ZNF385C: variants seen among roughly 807,000 people sequenced by gnomAD.
ZNF385C encodes CTD-2132N18.2.
ZNF385C carries 28 observed loss-of-function variants against 35.4 expected under a neutral mutation model. The ratio of observed to expected loss-of-function variants is 0.79; its 90% CI spans 0.59 to 1.08. The LOEUF (loss-of-function observed/expected upper bound fraction) is 1.08. Ranked by LOEUF, ZNF385C falls within the 50% of genes least tolerant of loss-of-function variation. The pLI, the probability that ZNF385C is intolerant of heterozygous loss-of-function variation, is 0.00. For synonymous variants in ZNF385C, 248 were observed against 248.2 expected (o/e 1.00, Z 0.01); for missense variants, 605 against 595.6 (o/e 1.02, Z -0.16).
chr17:42,054,020 C>T (rs1436552284), intron 2 of ZNF385C, among the ~76,000 whole-genome samples: 2 of 152,200 alleles, frequency 1.3e-5, no homozygotes, highest in South Asian at 2.1e-4. Context: ...TCTCTCTTTG[C>T]CAGGAAGGAG....
intron 1 of ZNF385C, among the ~76,000 whole-genome samples, chr17:42,079,233 T>TAC (rs1555659554): frequency 7.1e-5 from 10 of 141,286 alleles, no homozygotes; most frequent in Admixed American, 1.4e-4. Flanking sequence ...TATATATATA[T>TAC]ACACACATAT....
At chr17:42,048,742 C>T (rs184147177) in intron 2 of ZNF385C, among the ~76,000 whole-genome samples, 51 of 152,252 alleles carry the variant, frequency 3.3e-4, no homozygotes, top group African/African-American at 1.1e-3. Context: ...TGTCCCTTCT[C>T]TCCACACCAC....
intron 1 of ZNF385C, among the ~76,000 whole-genome samples, chr17:42,069,758 G>A (rs1555658648): frequency 6.6e-6 from 1 of 152,168 alleles, no homozygotes. Flanking sequence ...TTTAAAGAGA[G>A]GGGGCCAGGC....
At chr17:42,032,165 A>G (rs2052745796) in intron 4 of ZNF385C, among the ~76,000 whole-genome samples, 1 of 152,022 alleles carries the variant, frequency 6.6e-6, no homozygotes, top group Non-Finnish European at 1.5e-5. Context: ...GGTTCAAGCG[A>G]TTCTTCTGCC....
intron 5 of ZNF385C, among the ~76,000 whole-genome samples, chr17:42,030,163 G>A (rs538747513): frequency 6.6e-6 from 1 of 152,174 alleles, no homozygotes; most frequent in African/African-American, 2.4e-5. Flanking sequence ...CAGATATAAT[G>A]AATGTTGATG....
chr17:42,066,057 CTGTTT>C (rs781950820), intron 1 of ZNF385C, among the ~76,000 whole-genome samples: 4 of 150,818 alleles, frequency 2.7e-5, no homozygotes, highest in African/African-American at 4.9e-5. Context: ...GTTTGTTTGT[CTGTTT>C]TGTTTTGTTT....
rs1465686675 is a variant in ZNF385C, at chr17:42,031,183, T to G, written c.676+436A>C. 2.0e-5 allele frequency among the ~76,000 whole-genome samples: 3 copies of G among 151,994 alleles called. No individual in the cohort carries two copies. In the East Asian group the frequency reaches 5.8e-4, roughly 29 times the overall value. Reference sequence around the variant, plus strand: ...CCTCCTGAGTAGCTGGGACTACAGGTGTGCATCATCATGCCTGGCAAATAA... The same window carrying G: ...CCTCCTGAGTAGCTGGGACTACAGGGGTGCATCATCATGCCTGGCAAATAA... On this transcript the variant is annotated intron_variant, in intron 5 of 8. Coordinates refer to ENST00000692273, the MANE Select transcript of ZNF385C (RefSeq NM_001392013.1).
chr17:42,039,512 A>G, intron 2 of ZNF385C: 1 of 389,360 alleles, frequency 2.6e-6, no homozygotes, highest in Non-Finnish European at 4.3e-6. Context: ...GCCCCTCTTG[A>G]GCCAGTCCCT....
At chr17:42,076,072 C>T (rs1201339727) in intron 1 of ZNF385C, among the ~76,000 whole-genome samples, 1 of 152,204 alleles carries the variant, frequency 6.6e-6, no homozygotes, top group African/African-American at 2.4e-5. Context: ...CTTGCTGGCT[C>T]TCCCATTCTG....
intron 2 of ZNF385C, among the ~76,000 whole-genome samples, chr17:42,049,407 C>G (rs1555656909): frequency 6.6e-6 from 1 of 152,216 alleles, no homozygotes; most frequent in African/African-American, 2.4e-5. Context: ...GGAAAGGTAA[C>G]TAACTTCTTC....
Position 42,027,020 on chromosome 17 carries a change from G to A in ZNF385C, c.1389C>T (p.Leu463=), listed in dbSNP as rs59293351. The change falls in exon 9 of 9, where the codon CTC becomes CTT. Residue 463 remains leucine (L), a synonymous_variant. Coordinates refer to ENST00000692273, the MANE Select transcript of ZNF385C (RefSeq NM_001392013.1). ...AICALPGPLA[L]RPAPTAATTL... Reference sequence around the variant, plus strand: ...TAGTGGCTGCTGTAGGGGCAGGGCGGAGGGCCAGGGGCCCTGGCAGAGCAC... The same window carrying A: ...TAGTGGCTGCTGTAGGGGCAGGGCGAAGGGCCAGGGGCCCTGGCAGAGCAC... 1.1e-3 allele frequency: 1,807 copies of A among 1,608,356 alleles called. 19 individuals are homozygous for A. The African/African-American group carries it at 0.022, about 19-fold the overall frequency.
intron 1 of ZNF385C, among the ~76,000 whole-genome samples, chr17:42,077,985 G>A (rs532298128): frequency 2.0e-5 from 3 of 152,258 alleles, no homozygotes; most frequent in South Asian, 2.1e-4. Flanking sequence ...CAAGGAGGAC[G>A]GCACCACCTC....
intron 1 of ZNF385C, among the ~76,000 whole-genome samples, chr17:42,084,491 A>G (rs1555659984): frequency 6.6e-6 from 1 of 152,208 alleles, no homozygotes; most frequent in African/African-American, 2.4e-5. Flanking sequence ...CATATAAAAG[A>G]CATCGTCAAA....
chr17:42,035,591 G>C (rs572945415), intron 3 of ZNF385C, among the ~76,000 whole-genome samples: 1 of 133,736 alleles, frequency 7.5e-6, no homozygotes, highest in Non-Finnish European at 1.5e-5. Flanking sequence ...CTGCTCTGTC[G>C]CCCAGGCTGG....
chr17:42,067,816 C>T (rs78623067), intron 1 of ZNF385C, among the ~76,000 whole-genome samples: 15,096 of 152,050 alleles, frequency 0.099, 860 homozygotes, highest in Middle Eastern at 0.16. Flanking sequence ...TCCCATTCCC[C>T]GGGTGGAGGC....
At position 42,091,083 on chromosome 17, in the gene ZNF385C, A is replaced by C. The variant is rs542443010; in HGVS notation, c.-3+7327T>G. ...GTAGGGGCTGGGACAGGGTAGAGAC[A>C]CACCCACTTATGACATCAAGTTCCA... On this transcript the variant is annotated intron_variant, in intron 1 of 8. Transcript: ENST00000692273. Among the ~76,000 whole-genome samples the C allele has an allele frequency of 1.1e-4, 16 of 152,254 alleles. No individual in the cohort carries two copies. In the South Asian group the frequency reaches 3.3e-3, roughly 32 times the overall value.
chr17:42,040,637 C>G (rs1326252018), intron 2 of ZNF385C: 2 of 1,232,156 alleles, frequency 1.6e-6, no homozygotes, highest in Admixed American at 4.2e-5. Context: ...GGCCAGGCCT[C>G]GGCCACTGCT....
At chr17:42,040,223 C>T (rs2052981913) in intron 2 of ZNF385C, 5 of 1,231,582 alleles carry the variant, frequency 4.1e-6, no homozygotes, top group Non-Finnish European at 5.1e-6. Flanking sequence ...GGGTAGGAGT[C>T]CTGTAGGCCC....
chr17:42,096,301 T>G (rs1260289764), intron 1 of ZNF385C, among the ~76,000 whole-genome samples: 3 of 152,206 alleles, frequency 2.0e-5, no homozygotes, highest in African/African-American at 2.4e-5. Flanking sequence ...GGGAGCCAGA[T>G]GGTGACCATC....
Sources: gnomAD v4.1 joint callset for allele counts (sites outside exome capture counted in the v4.1 genomes callset) on GRCh38, gnomAD v4.1.1 for gene constraint, MANE v1.5 for transcripts, NCBI Gene and HGNC (gene_info 2026-07-23, HGNC 2026-07-21) for gene names.